OCRL: variants seen among roughly 807,000 people sequenced by gnomAD.
OCRL encodes OCRL inositol polyphosphate-5-phosphatase.
In OCRL, 8 loss-of-function variants were observed where a neutral mutation model predicts 78.9. The ratio of observed to expected loss-of-function variants is 0.10; its 90% CI spans 0.06 to 0.18. OCRL has a LOEUF of 0.18. Among genes scored for constraint, OCRL ranks in the 10% least tolerant of loss-of-function variants. The pLI is 1.00. For synonymous variants in OCRL, 240 were observed against 235.4 expected (o/e 1.02, Z -0.18); for missense variants, 454 against 696.7 (o/e 0.65, Z 3.92).
In OCRL at chrX:129,556,485, C is replaced by G. The variant is rs180814003; in HGVS notation, c.239-840C>G. 2.6e-3 allele frequency among the ~76,000 whole-genome samples: 290 copies of G among 111,807 alleles called. 1 individual carries two copies. The highest frequency in any genetic ancestry group is 4.7e-3 in the Admixed American group (50 of 10,565). On this transcript the variant is annotated intron_variant, in intron 4 of 23. Coordinates refer to ENST00000371113, the MANE Select transcript of OCRL (RefSeq NM_000276.4). ...CTTGCCCTTAAGGAGCTTGTAGTTT[C>G]CAGAGGCATGAGAAAACAACGTATG... is the stretch of plus-strand genomic sequence containing the variant.
intron 22 of OCRL, chrX:129,589,288 T>A (rs751348316): frequency 2.9e-6 from 1 of 345,591 alleles, no homozygotes; most frequent in East Asian, 5.6e-5. Context: ...GTGAAGCTGA[T>A]TGTACGTGGA....
chrX:129,563,437 C>T, intron 12 of OCRL, among the ~76,000 whole-genome samples: 1 of 111,586 alleles, frequency 9.0e-6, no homozygotes, highest in East Asian at 2.8e-4. Flanking sequence ...AATGCAGCTA[C>T]TAGAAAACTT....
chrX:129,571,369 T>G (rs1490375924), intron 15 of OCRL, among the ~76,000 whole-genome samples: 1 of 101,923 alleles, frequency 9.8e-6, no homozygotes, highest in South Asian at 4.6e-4. Context: ...TTTGGTTTTT[T>G]TTTTTTTTTT....
chrX:129,540,520 CG>C, intron 1 of OCRL, 42 bp downstream of exon 1: 1 of 206,776 alleles, frequency 4.8e-6, no homozygotes, highest in Non-Finnish European at 7.8e-6. Context: ...CGCGCAGGGC[CG>C]GGGGTGGGGG....
intron 14 of OCRL, among the ~76,000 whole-genome samples, 176 bp from the exon 15 acceptor site, chrX:129,569,088 C>A (rs1245529849): frequency 2.7e-5 from 3 of 111,925 alleles, no homozygotes; most frequent in Non-Finnish European, 5.6e-5. Context: ...CAAATACAGT[C>A]CCTTCACAGA....
chrX:129,580,990 G>A (rs969260106), intron 18 of OCRL, among the ~76,000 whole-genome samples: 1 of 111,315 alleles, frequency 9.0e-6, no homozygotes, highest in African/African-American at 3.3e-5. Flanking sequence ...TCAGCCTCCC[G>A]AGTAACTGGG....
chrX:129,568,196 G>A (rs916729132), intron 14 of OCRL, among the ~76,000 whole-genome samples: 6 of 111,687 alleles, frequency 5.4e-5, no homozygotes, highest in African/African-American at 9.8e-5. Context: ...GATTACAGGC[G>A]TGAGCCACCG....
intron 15 of OCRL, among the ~76,000 whole-genome samples, chrX:129,569,789 A>C (rs1309846618): frequency 9.2e-6 from 1 of 108,859 alleles, no homozygotes; most frequent in East Asian, 2.9e-4. Flanking sequence ...AATACAGCCA[A>C]CTCTGTATAT....
intron 4 of OCRL, among the ~76,000 whole-genome samples, chrX:129,556,714 G>T (rs1441506701): frequency 8.9e-6 from 1 of 112,158 alleles, no homozygotes. Context: ...AACCACTTCT[G>T]AGCATAGGTC....
At chrX:129,569,525 C>A in intron 15 of OCRL, 126 bp downstream of exon 15, 2 of 787,298 alleles carry the variant, frequency 2.5e-6, no homozygotes, top group African/African-American at 2.0e-5. Context: ...TAACCATTTG[C>A]AGCATTGAGA....
chrX:129,569,626 G>C (rs964255217), intron 15 of OCRL, among the ~76,000 whole-genome samples: 4 of 110,822 alleles, frequency 3.6e-5, no homozygotes, highest in Non-Finnish European at 5.7e-5. Flanking sequence ...ATGCTACATA[G>C]TGGTTAGGTG....
chrX:129,544,890 A>G, intron 2 of OCRL, 68 bp from the exon 3 acceptor site: 1 of 629,897 alleles, frequency 1.6e-6, no homozygotes, highest in Non-Finnish European at 2.7e-6. Context: ...ATAACAGGAC[A>G]GTGAAGTATT....
chrX:129,556,256 C>T (rs781778101), intron 4 of OCRL, among the ~76,000 whole-genome samples: 1 of 111,418 alleles, frequency 9.0e-6, no homozygotes, highest in Non-Finnish European at 1.9e-5. Flanking sequence ...CATTAAATAC[C>T]TTCTGTCTGT....
In OCRL at chrX:129,540,724, C is replaced by G. The variant is rs756820258; in HGVS notation, c.40-20C>G. ...CTCCCCACCGCGCTTCCGAAGGAGA[C>G]CCTTGACTAGCGCCCGCATACTGTC... On this transcript the variant is annotated intron_variant, in intron 1 of 23. Transcript: ENST00000371113. 1.0e-5 allele frequency: 12 copies of G among 1,193,922 alleles called. No homozygotes were observed. Among genetic ancestry groups the G allele is most frequent in the Non-Finnish European group, 1.1e-5 (10 of 881,855 alleles).
At chrX:129,560,729 A>T (rs1027091899) in intron 9 of OCRL, 78 bp downstream of exon 9, 7 of 687,410 alleles carry the variant, frequency 1.0e-5, no homozygotes, top group Admixed American at 4.7e-5. Flanking sequence ...TTTTTAAAAA[A>T]GACTGTTGGT....
Position 129,577,180 on chromosome X carries a change from G to A in OCRL, c.2115+628G>A, listed in dbSNP as rs185893844. On this transcript the variant is annotated intron_variant, in intron 18 of 23. Coordinates refer to ENST00000371113, the MANE Select transcript of OCRL (RefSeq NM_000276.4). ...TTCTGGCAATGGAATCAGAATCTCA[G>A]GATATGGAGCCTACAGATCTGCATT... Among the ~76,000 whole-genome samples the A allele has an allele frequency of 1.7e-4, 19 of 111,594 alleles. No homozygotes were observed. In the East Asian group the frequency reaches 5.0e-3, roughly 30 times the overall value.
chrX:129,553,420 G>A (rs1195007890), intron 4 of OCRL: 2 of 112,046 alleles, frequency 1.8e-5, no homozygotes, highest in Non-Finnish European at 3.8e-5. Context: ...GACTGGAATT[G>A]GAGGGAAATC....
chrX:129,566,111 A>G (rs1194789949), intron 13 of OCRL, among the ~76,000 whole-genome samples: 1 of 112,435 alleles, frequency 8.9e-6, no homozygotes, highest in Non-Finnish European at 1.9e-5. Context: ...TACAACATTT[A>G]TTCAAAACGT....
intron 12 of OCRL, among the ~76,000 whole-genome samples, chrX:129,564,887 A>G (rs923503517): frequency 9.9e-5 from 11 of 111,596 alleles, no homozygotes; most frequent in African/African-American, 3.3e-4. Flanking sequence ...AATTTAAAAA[A>G]TTAATATAGA....
Sources: gnomAD v4.1 joint callset for allele counts (sites outside exome capture counted in the v4.1 genomes callset) on GRCh38, gnomAD v4.1.1 for gene constraint, MANE v1.5 for transcripts, NCBI Gene and HGNC (gene_info 2026-07-23, HGNC 2026-07-21) for gene names.